The following PCDHGB4 variants were observed in gnomAD, a reference collection of about 807,000 sequenced individuals.
PCDHGB4 encodes protocadherin gamma subfamily B, 4, also known as protocadherin gamma-B4.
Under a neutral mutation model 60.5 loss-of-function variants are expected in PCDHGB4, and 38 were observed. The ratio of observed to expected loss-of-function variants is 0.63; its 90% CI spans 0.48 to 0.82. PCDHGB4 has a LOEUF of 0.82. PCDHGB4 is among the 40% of genes least tolerant of loss of function. PCDHGB4 has a pLI of 0.00. For missense variants in PCDHGB4, 1,109 were observed against 1,209.6 expected, an observed-to-expected ratio of 0.92 and a Z score of 1.23; for synonymous variants, 456 against 509.7, an observed-to-expected ratio of 0.89 and a Z score of 1.42.
chr5:141,421,384 C>T (rs960627405), intron 1 of PCDHGB4: 5 of 1,613,928 alleles, frequency 3.1e-6, no homozygotes, highest in Non-Finnish European at 4.2e-6. Context: ...CTCCAAGGAC[C>T]TGGGGCTGGA....
At chr5:141,505,604 G>T (rs772730114) in intron 3 of PCDHGB4, 123 bp downstream of exon 3, 1 of 1,535,418 alleles carries the variant, frequency 6.5e-7, no homozygotes, top group Non-Finnish European at 8.8e-7. Flanking sequence ...CTTTCGGCAG[G>T]TCTGAAAGGA....
intron 1 of PCDHGB4, among the ~76,000 whole-genome samples, chr5:141,481,790 A>C (rs2154579313): frequency 6.6e-6 from 1 of 152,222 alleles, no homozygotes; most frequent in East Asian, 1.9e-4. Flanking sequence ...CGTCTCTACT[A>C]AAAATACAAA....
chr5:141,395,254 G>T, intron 1 of PCDHGB4: 1 of 1,556,766 alleles, frequency 6.4e-7, no homozygotes, highest in Non-Finnish European at 8.7e-7. Context: ...TTAGTTCTTT[G>T]CTTGCTTTTA....
At chr5:141,451,624 G>A (rs1016417101) in intron 1 of PCDHGB4, among the ~76,000 whole-genome samples, 3 of 152,150 alleles carry the variant, frequency 2.0e-5, no homozygotes, top group African/African-American at 7.2e-5. Context: ...GCTCAAACCT[G>A]TAATTCCAGC....
intron 3 of PCDHGB4, among the ~76,000 whole-genome samples, chr5:141,509,429 T>G (rs2099876771): frequency 6.6e-6 from 1 of 151,964 alleles, no homozygotes; most frequent in Non-Finnish European, 1.5e-5. Context: ...TGAGTCAAAC[T>G]CTTGTTTCCT....
chr5:141,399,030 G>C, intron 1 of PCDHGB4: 1 of 1,613,824 alleles, frequency 6.2e-7, no homozygotes, highest in Non-Finnish European at 8.5e-7. Flanking sequence ...CCACTCAAAA[G>C]AAACTGGATT....
chr5:141,389,010 C>T lies in PCDHGB4; in HGVS notation c.1126C>T (p.His376Tyr), dbSNP rs141101630. Residue 376 changes from histidine to tyrosine, a missense_variant, in exon 1 of 4, where the codon CAC becomes TAC. Physicochemically the swap from His to Tyr is moderately conservative, Grantham distance 83. Around this residue, in one of 2 missense-constraint regions of PCDHGB4, gnomAD observed 1,068 missense variants for 1,089.9 expected, o/e 0.98. Transcript: ENST00000519479. ...LLKVRDKDSRHNGEVTCKLEG... is the reference protein window; with the variant it reads ...LLKVRDKDSRYNGEVTCKLEG... ...CAAAGTCCGTGACAAGGATTCCAGA[C>T]ACAATGGAGAAGTGACTTGTAAATT... 1.2e-6 allele frequency: 2 copies of T among 1,613,862 alleles called. No individual in the cohort carries two copies. The highest frequency in any genetic ancestry group is 2.7e-5 in the African/African-American group (2 of 74,924).
At chr5:141,417,646 C>A in intron 1 of PCDHGB4, 2 of 797,870 alleles carry the variant, frequency 2.5e-6, no homozygotes, top group Non-Finnish European at 3.8e-6. Context: ...GATCCCTCAG[C>A]CTCTAGCCTG....
chr5:141,476,416 A>C lies in PCDHGB4; in HGVS notation c.2398-18391A>C, dbSNP rs2099391138. On this transcript the variant is annotated intron_variant, in intron 1 of 3. Coordinates refer to ENST00000519479, the MANE Select transcript of PCDHGB4 (RefSeq NM_003736.4). The surrounding 1 kb of genome is among the most constrained non-coding windows in gnomAD (Gnocchi z 7.6). ...TGGATCGAGAGGAGCTGTGTGGGACACTGCCCTCTTGCACTGTAACTCTGG... is the reference window on the plus strand; with the variant it reads ...TGGATCGAGAGGAGCTGTGTGGGACCCTGCCCTCTTGCACTGTAACTCTGG... 6.2e-7 allele frequency: 1 copy of C among 1,614,056 alleles called. No homozygotes were observed. The highest frequency in any genetic ancestry group is 8.5e-7 in the Non-Finnish European group (1 of 1,179,994).
chr5:141,442,298 G>A (rs934210433), intron 1 of PCDHGB4: 2 of 152,564 alleles, frequency 1.3e-5, no homozygotes, highest in African/African-American at 4.8e-5. Flanking sequence ...TCCTGTCTGA[G>A]TCTTTCCCAC....
intron 1 of PCDHGB4, chr5:141,417,840 A>G (rs2096168680): frequency 2.0e-6 from 3 of 1,536,422 alleles, no homozygotes; most frequent in African/African-American, 2.8e-5. Context: ...GCGGGGACCC[A>G]GCGAGAACCC....
intron 1 of PCDHGB4, among the ~76,000 whole-genome samples, chr5:141,436,781 A>T (rs1041532929): frequency 6.6e-6 from 1 of 152,236 alleles, no homozygotes; most frequent in Non-Finnish European, 1.5e-5. Context: ...TGTGGATGGA[A>T]ATAAAACTGT....
chr5:141,394,481 T>C lies in PCDHGB4; in HGVS notation c.2397+4200T>C, dbSNP rs766569646. The C allele has an allele frequency of 4.3e-6, 7 of 1,614,088 alleles. No individual in the cohort carries two copies. The East Asian group carries it at 6.7e-5, about 15-fold the overall frequency. ...TGAGCCTGTTCGTGCTGGACCAGAATGACAACGCGCCCGAGATCCTGTACC... is the reference window on the plus strand; with the variant it reads ...TGAGCCTGTTCGTGCTGGACCAGAACGACAACGCGCCCGAGATCCTGTACC... On this transcript the variant is annotated intron_variant, in intron 1 of 3. Transcript: ENST00000519479.
chr5:141,489,943 A>G lies in PCDHGB4; in HGVS notation c.2398-4864A>G. ...CCTTATCTCTGTCATCGTGCTGGAC[A>G]TCAATGATAATGCTCCAACCTTCCA... On this transcript the variant is annotated intron_variant, in intron 1 of 3. Transcript: ENST00000519479. The surrounding 1 kb of genome is among the most constrained non-coding windows in gnomAD (Gnocchi z 4.5). 5.6e-6 allele frequency: 9 copies of G among 1,614,190 alleles called. No homozygotes were observed. Among genetic ancestry groups the G allele is most frequent in the Non-Finnish European group, 7.6e-6 (9 of 1,180,016 alleles).
intron 2 of PCDHGB4, among the ~76,000 whole-genome samples, chr5:141,504,341 CTTTGTGCTAGGT>C (rs963088433): frequency 3.9e-5 from 6 of 152,020 alleles, no homozygotes; most frequent in African/African-American, 1.4e-4. Flanking sequence ...AAGTGCTAGG[CTTTGTGCTAGGT>C]GCTTCAGTAG....
chr5:141,442,650 G>A (rs192694987), intron 1 of PCDHGB4, among the ~76,000 whole-genome samples: 83 of 152,350 alleles, frequency 5.4e-4, no homozygotes, highest in Admixed American at 9.1e-4. Flanking sequence ...CCTAAGATGA[G>A]AAATATTTGG....
chr5:141,395,372 G>A, intron 1 of PCDHGB4: 2 of 1,191,834 alleles, frequency 1.7e-6, no homozygotes, highest in Non-Finnish European at 2.3e-6. Flanking sequence ...TTATTTTGGT[G>A]GTGTTACTAT....
rs1006751011 is a variant in PCDHGB4, at chr5:141,431,033, C to T, written c.2397+40752C>T. ...CTTGGTCACGGCGGGCAGGATAGAC[C>T]GGGAGGAGCTCTGTATGGGGGCCAT... On this transcript the variant is annotated intron_variant, in intron 1 of 3. Coordinates refer to ENST00000519479, the MANE Select transcript of PCDHGB4 (RefSeq NM_003736.4). This position sits in a 1 kb window ranked among gnomAD's most constrained non-coding sequence, Gnocchi z 4.8. 1.2e-6 allele frequency: 2 copies of T among 1,613,864 alleles called. No homozygotes were observed. The highest frequency in any genetic ancestry group is 1.3e-5 in the African/African-American group (1 of 74,924).
chr5:141,419,618 C>T (rs746617593), intron 1 of PCDHGB4: 3 of 1,612,326 alleles, frequency 1.9e-6, no homozygotes, highest in South Asian at 1.1e-5. Flanking sequence ...GCCAGGCTAC[C>T]TGGTGACCAA....
Sources: allele counts gnomAD v4.1 joint callset (sites outside exome capture counted in the v4.1 genomes callset), GRCh38; gene constraint gnomAD v4.1.1; regional missense constraint gnomAD v4.1.1; non-coding constraint Gnocchi (gnomAD v3.1); transcripts MANE v1.5; gene names NCBI Gene and HGNC (gene_info 2026-07-23, HGNC 2026-07-21).